ABHD17C: variants seen among roughly 807,000 people sequenced by gnomAD.
The protein encoded by ABHD17C is alpha/beta hydrolase domain-containing protein 17C.
In ABHD17C, 11 loss-of-function variants were observed where a neutral mutation model predicts 27.9. That is an observed-to-expected ratio of 0.39 (90% CI 0.25 to 0.65). The LOEUF (loss-of-function observed/expected upper bound fraction) is 0.65. Ranked by LOEUF, ABHD17C falls within the 30% of genes least tolerant of loss-of-function variation. The probability of loss-of-function intolerance (pLI) is 0.45; values close to 1 mark genes in which losing one functional copy is unlikely to be tolerated. For missense variants in ABHD17C, 280 were observed against 470.2 expected, an observed-to-expected ratio of 0.60 and a Z score of 3.74; for synonymous variants, 233 against 209.1, an observed-to-expected ratio of 1.11 and a Z score of -0.98.
intron 1 of ABHD17C, among the ~76,000 whole-genome samples, chr15:80,718,644 A>G (rs913353156): frequency 6.6e-6 from 1 of 152,084 alleles, no homozygotes; most frequent in African/African-American, 2.4e-5. Flanking sequence ...CGCTTCTTGT[A>G]ATTTTAAACC....
intron 1 of ABHD17C, among the ~76,000 whole-genome samples, chr15:80,707,335 T>C (rs767220529): frequency 1.4e-4 from 21 of 152,158 alleles, no homozygotes; most frequent in Non-Finnish European, 2.8e-4. Context: ...GGGCAGACAG[T>C]GGTTTGTGAC....
chr15:80,731,635 A>G (rs1895058489), intron 1 of ABHD17C, among the ~76,000 whole-genome samples: 1 of 146,974 alleles, frequency 6.8e-6, no homozygotes, highest in African/African-American at 2.5e-5. Context: ...TAAAAGTATT[A>G]GTGACACGTA....
chr15:80,695,390 G>GCCAGCCAC lies in ABHD17C; in HGVS notation c.-33_-32insCCCAGCCA. Reference sequence around the variant, plus strand: ...TCCGTCCTCCCGGGCCAGCCAGCCAGCCAGCCAGCCGGGCCGGCGGCGGGC... The same window carrying GCCAGCCAC: ...TCCGTCCTCCCGGGCCAGCCAGCCAGCCAGCCACCCAGCCAGCCGGGCCGGCGGCGGGC... On this transcript the variant is annotated 5_prime_UTR_variant, in exon 1 of 3. Transcript: ENST00000258884. This position sits in a 1 kb window ranked among gnomAD's most constrained non-coding sequence, Gnocchi z 4.3. 1 of 1,177,254 alleles carries GCCAGCCAC rather than the reference G, an allele frequency of 8.5e-7. No homozygotes were observed. Among genetic ancestry groups the GCCAGCCAC allele is most frequent in the Non-Finnish European group, 1.1e-6 (1 of 944,582 alleles). The allele number at this position is 1,177,254 out of a possible 1,614,324, so 72.9% of individuals were successfully genotyped here.
Position 80,736,495 on chromosome 15 carries a change from A to G in ABHD17C, c.591-13018A>G, listed in dbSNP as rs1005008286. ...ACACACCTGCTTCCCTTGCATAGTC[A>G]GTCTTTTTATTCTGAGGCTTTTCTC... is the stretch of plus-strand genomic sequence containing the variant. On this transcript the variant is annotated intron_variant, in intron 1 of 2. Coordinates refer to ENST00000258884, the MANE Select transcript of ABHD17C (RefSeq NM_021214.2). 1.2e-4 allele frequency among the ~76,000 whole-genome samples: 18 copies of G among 152,302 alleles called. 1 individual carries two copies. The South Asian group carries it at 3.7e-3, about 32-fold the overall frequency.
At chr15:80,712,869 T>C (rs543001647) in intron 1 of ABHD17C, among the ~76,000 whole-genome samples, 2 of 152,346 alleles carry the variant, frequency 1.3e-5, no homozygotes, top group African/African-American at 2.4e-5. Context: ...CCTGTGCATT[T>C]GCTGTCTTTT....
chr15:80,721,352 T>A (rs1894895370), intron 1 of ABHD17C, among the ~76,000 whole-genome samples: 1 of 152,002 alleles, frequency 6.6e-6, no homozygotes. Flanking sequence ...GAGTCCTCTG[T>A]GAAAGATACT....
In ABHD17C at chr15:80,695,805, C is replaced by G. The variant is rs758642384; in HGVS notation, c.376C>G (p.Arg126Gly). The G allele has an allele frequency of 6.4e-7, 1 of 1,554,492 alleles. No homozygotes were observed. Among genetic ancestry groups the G allele is most frequent in the Admixed American group, 1.9e-5 (1 of 52,146 alleles). Reference sequence around the variant, plus strand: ...CAACCGGCTCGGCTGCATGTTCGTGCGCTGCGCGCCCTCCAGCCGCTACAC... The same window carrying G: ...CAACCGGCTCGGCTGCATGTTCGTGGGCTGCGCGCCCTCCAGCCGCTACAC... The part of the protein sequence containing the change: ...RDNRLGCMFV[R>G]CAPSSRYTLL... Residue 126 changes from arginine to glycine, a missense_variant, in exon 1 of 3, where the codon CGC (arginine) becomes GGC (glycine). Transcript: ENST00000258884. The surrounding 1 kb of genome is among the most constrained non-coding windows in gnomAD (Gnocchi z 4.3).
intron 2 of ABHD17C, 42 bp from the exon 3 acceptor site, chr15:80,754,109 T>C (rs1332057001): frequency 1.4e-6 from 2 of 1,458,496 alleles, no homozygotes; most frequent in Non-Finnish European, 1.9e-6. Context: ...TGAGCATAAC[T>C]AATGGAGTCC....
At chr15:80,703,334 G>T (rs1001238905) in intron 1 of ABHD17C, 1 of 152,276 alleles carries the variant, frequency 6.6e-6, no homozygotes, top group African/African-American at 2.4e-5. Flanking sequence ...ACATCAGTTT[G>T]AGAGGGCACA....
chr15:80,748,702 C>T (rs555936814), intron 1 of ABHD17C, among the ~76,000 whole-genome samples: 7 of 141,758 alleles, frequency 4.9e-5, no homozygotes, highest in Admixed American at 3.8e-4. Context: ...TCTAGGGTGC[C>T]GCATCCTTCT....
intron 1 of ABHD17C, among the ~76,000 whole-genome samples, chr15:80,743,644 G>C (rs1358976420): frequency 6.6e-6 from 1 of 152,102 alleles, no homozygotes; most frequent in Admixed American, 6.5e-5. Flanking sequence ...GTGCAGTGGT[G>C]TGATCTCAGC....
At chr15:80,705,333 T>TGTGTGTGTGTGTGTG (rs1555421865) in intron 1 of ABHD17C, among the ~76,000 whole-genome samples, 1 of 106,822 alleles carries the variant, frequency 9.4e-6, no homozygotes, top group Admixed American at 9.9e-5. Context: ...TTCCTATGAT[T>TGTGTGTGTGTGTGTG]TGTGTGTGTG....
chr15:80,727,274 G>T lies in ABHD17C; in HGVS notation c.591-22239G>T, dbSNP rs185735653. Among the ~76,000 whole-genome samples, 261 of 152,294 alleles carry T rather than the reference G, an allele frequency of 1.7e-3. 2 individuals are homozygous for T. Among genetic ancestry groups the T allele is most frequent in the African/African-American group, 6.1e-3 (255 of 41,560 alleles). On this transcript the variant is annotated intron_variant, in intron 1 of 2. Transcript: ENST00000258884. ...AGTTTAGTGCATTTAAGCAGAGATTGAGGGCAGTTCAGCCAGTGGAGAGGG... is the reference window on the plus strand; with the variant it reads ...AGTTTAGTGCATTTAAGCAGAGATTTAGGGCAGTTCAGCCAGTGGAGAGGG...
chr15:80,706,388 T>C (rs756492319), intron 1 of ABHD17C, among the ~76,000 whole-genome samples: 33 of 152,224 alleles, frequency 2.2e-4, no homozygotes, highest in Admixed American at 3.9e-4. Context: ...ACTTGCTGAA[T>C]TGCTGAGAGG....
chr15:80,695,695 T>C lies in ABHD17C; in HGVS notation c.266T>C (p.Leu89Pro). The C allele has an allele frequency of 6.5e-7, 1 of 1,530,116 alleles. No homozygotes were observed. Among genetic ancestry groups the C allele is most frequent in the Non-Finnish European group, 8.7e-7 (1 of 1,144,988 alleles). 94.8% of individuals were successfully genotyped at this position (1,530,116 alleles called of 1,614,324 possible). A position where few individuals can be genotyped will look rare whatever the true frequency, so the allele number is the denominator to read the frequency against. ...GAGAGPGACS[L>P]HLSERADWQY... The stretch of plus-strand genomic sequence containing the variant: ...GGCGCGGGGCCCGGTGCGTGCAGCC[T>C]GCACCTCAGCGAGCGCGCCGACTGG... Residue 89 changes from leucine to proline, a missense_variant, in exon 1 of 3, where the codon CTG becomes CCG. Around this residue, in one of 2 missense-constraint regions of ABHD17C, gnomAD observed 206 missense variants for 394.7 expected, o/e 0.52. Transcript: ENST00000258884. This position sits in a 1 kb window ranked among gnomAD's most constrained non-coding sequence, Gnocchi z 4.3.
intron 1 of ABHD17C, among the ~76,000 whole-genome samples, chr15:80,696,718 A>G (rs1398593785): frequency 6.6e-6 from 1 of 152,202 alleles, no homozygotes; most frequent in Non-Finnish European, 1.5e-5. Flanking sequence ...ATTAGCATTC[A>G]CAGAAGGACT....
intron 1 of ABHD17C, among the ~76,000 whole-genome samples, chr15:80,712,934 A>G (rs929468388): frequency 2.0e-5 from 3 of 152,128 alleles, no homozygotes; most frequent in Admixed American, 1.3e-4. Context: ...TAATGGAAAA[A>G]TCTCAAATTA....
chr15:80,698,448 G>A (rs959000579), intron 1 of ABHD17C, among the ~76,000 whole-genome samples: 3 of 152,182 alleles, frequency 2.0e-5, no homozygotes, highest in East Asian at 1.9e-4. Flanking sequence ...CACTGCACAC[G>A]TTCACCCAGC....
At chr15:80,732,215 A>G (rs1895066639) in intron 1 of ABHD17C, among the ~76,000 whole-genome samples, 1 of 152,198 alleles carries the variant, frequency 6.6e-6, no homozygotes. Context: ...GGGTTGGACC[A>G]CTTGCCCCAG....
Sources: gnomAD v4.1 joint callset for allele counts (sites outside exome capture counted in the v4.1 genomes callset) on GRCh38, gnomAD v4.1.1 for gene constraint, gnomAD v4.1.1 regional missense constraint, Gnocchi (gnomAD v3.1) non-coding constraint, MANE v1.5 for transcripts, NCBI Gene and HGNC (gene_info 2026-07-23, HGNC 2026-07-21) for gene names.